Variants in CALN1 observed in about 807,000 individuals in gnomAD.
CALN1 encodes calcium-binding protein 8.
CALN1 carries 17 observed loss-of-function variants against 30.6 expected under a neutral mutation model. The ratio of observed to expected loss-of-function variants is 0.56; its 90% CI spans 0.38 to 0.83. The LOEUF is 0.83. Ranked by LOEUF, CALN1 falls within the 40% of genes least tolerant of loss-of-function variation. The pLI is 0.00. For missense variants in CALN1, 291 were observed against 354.9 expected (o/e 0.82, Z 1.45); for synonymous variants, 156 against 131.4 (o/e 1.19, Z -1.28).
intron 3 of CALN1, among the ~76,000 whole-genome samples, chr7:72,111,102 TTTAA>T (rs1340714404): frequency 2.6e-5 from 4 of 152,234 alleles, no homozygotes; most frequent in African/African-American, 9.6e-5. Context: ...ATCTTTGGTC[TTTAA>T]TTAAACTTTA....
At chr7:71,838,435 C>A (rs1382594331) in intron 5 of CALN1, among the ~76,000 whole-genome samples, 1 of 152,052 alleles carries the variant, frequency 6.6e-6, no homozygotes, top group Non-Finnish European at 1.5e-5. Flanking sequence ...TCTTTGATGC[C>A]CGCTTTATAG....
At chr7:72,089,559 A>G (rs1302272871) in intron 4 of CALN1, among the ~76,000 whole-genome samples, 1 of 152,192 alleles carries the variant, frequency 6.6e-6, no homozygotes, top group South Asian at 2.1e-4. Flanking sequence ...AATCACAGAA[A>G]AAGGTAGGGC....
At chr7:71,944,138 T>G (rs2129523153) in intron 5 of CALN1, among the ~76,000 whole-genome samples, 1 of 152,208 alleles carries the variant, frequency 6.6e-6, no homozygotes, top group South Asian at 2.1e-4. Flanking sequence ...GGTTATATGG[T>G]TTTTGTAGTG....
At chr7:72,261,334 A>G (rs1268943396) in intron 3 of CALN1, among the ~76,000 whole-genome samples, 1 of 151,864 alleles carries the variant, frequency 6.6e-6, no homozygotes, top group Non-Finnish European at 1.5e-5. Context: ...GAACAAAAAC[A>G]CAAAAAATCT....
rs1806471026 is a variant in CALN1, at chr7:72,403,318, CCT to C, written c.50_51del (p.Lys17ArgfsTer51). ...PGEGKPENEK[K>X]GDGGALGGGE... ...CCCCCTCCGAGGGCTCCTCCGTCCC[CCT>C]TTTTCTCATTCTCGGGCTTCCCCTC... On this transcript the variant is annotated frameshift_variant, in exon 2 of 7. Coordinates refer to ENST00000395275, the MANE Select transcript of CALN1 (RefSeq NM_031468.4). LOFTEE classifies it high-confidence loss of function. The C allele has an allele frequency of 5.8e-6, 9 of 1,550,148 alleles. No homozygotes were observed. The highest frequency in any genetic ancestry group is 7.8e-6 in the Non-Finnish European group (9 of 1,146,986).
At chr7:72,216,782 T>TG (rs1792847172) in intron 3 of CALN1, among the ~76,000 whole-genome samples, 1 of 152,168 alleles carries the variant, frequency 6.6e-6, no homozygotes, top group Non-Finnish European at 1.5e-5. Flanking sequence ...GACAGGGTCT[T>TG]GCTCTGTCAC....
chr7:72,239,398 AAAATAAAT>A (rs140300719), intron 3 of CALN1, among the ~76,000 whole-genome samples: 3 of 151,930 alleles, frequency 2.0e-5, no homozygotes, highest in Non-Finnish European at 2.9e-5. Flanking sequence ...CTTGTCCCTA[AAAATAAAT>A]AAATAAATAA....
chr7:72,077,577 TTCTC>T (rs916408641), intron 4 of CALN1, among the ~76,000 whole-genome samples: 3 of 152,130 alleles, frequency 2.0e-5, no homozygotes, highest in Admixed American at 6.6e-5. Context: ...CCCAGCTCTT[TTCTC>T]TCTTTTTTAT....
At chr7:72,293,268 G>GGGT (rs1436657318) in intron 2 of CALN1, among the ~76,000 whole-genome samples, 2 of 152,168 alleles carry the variant, frequency 1.3e-5, no homozygotes, top group African/African-American at 4.8e-5. Context: ...CGTAGGGAGA[G>GGGT]GGTGGTACTA....
chr7:72,023,539 G>A (rs1800851315), intron 5 of CALN1, 118 bp downstream of exon 5: 1 of 584,514 alleles, frequency 1.7e-6, no homozygotes. Flanking sequence ...TGGAACATAT[G>A]TCGCTCAGCC....
intron 2 of CALN1, among the ~76,000 whole-genome samples, chr7:72,333,610 G>T (rs967037597): frequency 6.6e-6 from 1 of 151,168 alleles, no homozygotes; most frequent in Non-Finnish European, 1.5e-5. Flanking sequence ...AATCGTGAAA[G>T]GACATTTCAG....
At chr7:72,214,519 C>G (rs1407239068) in intron 3 of CALN1, among the ~76,000 whole-genome samples, 1 of 152,074 alleles carries the variant, frequency 6.6e-6, no homozygotes, top group South Asian at 2.1e-4. Flanking sequence ...AAAGAAATAT[C>G]TGCATATTAA....
intron 3 of CALN1, among the ~76,000 whole-genome samples, chr7:72,174,396 G>T (rs1262539209): frequency 6.6e-6 from 1 of 152,080 alleles, no homozygotes; most frequent in Non-Finnish European, 1.5e-5. Context: ...TTACCCAAGA[G>T]AAATGGAAAC....
intron 3 of CALN1, among the ~76,000 whole-genome samples, chr7:72,212,163 T>C (rs965563450): frequency 1.3e-4 from 20 of 151,914 alleles, no homozygotes; most frequent in African/African-American, 2.4e-4. Context: ...CCATCCTGGC[T>C]AACAGTGAAA....
rs540595134 is a variant in CALN1 at position 72,253,737 on chromosome 7, C to T, written c.244+24949G>A. 3.3e-5 allele frequency among the ~76,000 whole-genome samples: 5 copies of T among 152,200 alleles called. No homozygotes were observed. In the East Asian group the frequency reaches 9.7e-4, roughly 29 times the overall value. On this transcript the variant is annotated intron_variant, in intron 3 of 6. Coordinates refer to ENST00000395275, the MANE Select transcript of CALN1 (RefSeq NM_031468.4). Reference sequence around the variant, plus strand: ...ATTTGGGTGGGGACACAAAGCCAAACCATATCCCCATTCTTTTTTTATAGA... The same window carrying T: ...ATTTGGGTGGGGACACAAAGCCAAATCATATCCCCATTCTTTTTTTATAGA...
intron 2 of CALN1, among the ~76,000 whole-genome samples, chr7:72,300,492 G>A (rs779208565): frequency 3.3e-5 from 5 of 152,100 alleles, no homozygotes; most frequent in Non-Finnish European, 5.9e-5. Context: ...TCATATCAGA[G>A]TATGTTGTGG....
At chr7:72,203,004 C>T (rs183816835) in intron 3 of CALN1, among the ~76,000 whole-genome samples, 1 of 152,234 alleles carries the variant, frequency 6.6e-6, no homozygotes, top group Admixed American at 6.5e-5. Context: ...TACTATGCAG[C>T]CATAAAAAAG....
intron 5 of CALN1, among the ~76,000 whole-genome samples, chr7:72,016,998 C>CAAAAAAAAAAA (rs754201004): frequency 4.7e-4 from 15 of 31,952 alleles, no homozygotes; most frequent in South Asian, 2.0e-3. Context: ...ACTAAAAATA[C>CAAAAAAAAAAA]AAAAAAAAAA....
chr7:72,015,161 G>A (rs1584748322), intron 5 of CALN1, among the ~76,000 whole-genome samples: 2 of 152,134 alleles, frequency 1.3e-5, no homozygotes, highest in South Asian at 4.1e-4. Context: ...TATGAATAAG[G>A]ATAACTAAAA....
Sources: allele counts gnomAD v4.1 joint callset (sites outside exome capture counted in the v4.1 genomes callset), GRCh38; gene constraint gnomAD v4.1.1; transcripts MANE v1.5; gene names NCBI Gene and HGNC (gene_info 2026-07-23, HGNC 2026-07-21).